The following PLP1 variants were observed in gnomAD, a reference collection of about 807,000 sequenced individuals.
PLP1 encodes the protein myelin proteolipid protein.
Under a neutral mutation model 18.5 loss-of-function variants are expected in PLP1, and 2 were observed. That is an observed-to-expected ratio of 0.11 (90% CI 0.04 to 0.34). PLP1 has a LOEUF of 0.34. Ranked by LOEUF, PLP1 falls within the 10% of genes least tolerant of loss-of-function variation. The pLI is 1.00. For synonymous variants in PLP1, 86 were observed against 83.2 expected (o/e 1.03, Z -0.19); for missense variants, 105 against 207.3 (o/e 0.51, Z 3.03).
Position 103,786,447 on chromosome X carries a change from G to A in PLP1, c.192-18G>A. 1 of 1,205,796 alleles carries A rather than the reference G, an allele frequency of 8.3e-7. No homozygotes were observed. Among genetic ancestry groups the A allele is most frequent in the Non-Finnish European group, 1.1e-6 (1 of 890,180 alleles). On this transcript the variant is annotated intron_variant, in intron 2 of 6. Transcript: ENST00000621218. ...TTAATAAGATTCCCTGGTCTCGTTT[G>A]TCTACCTGTTAATGCAGGATCCATG...
rs113897548 is a variant in PLP1 at position 103,788,511 on chromosome X, G to C, written c.696+1G>C. On this transcript the variant is annotated splice_donor_variant, in intron 5 of 6. Transcript: ENST00000621218. LOFTEE classifies it high-confidence loss of function. ...TCTGTCCATCTGCAAAACAGCTGAG[G>C]TGAGTGGGTTATTTGGGTTATTTTA... is the stretch of plus-strand genomic sequence containing the variant. The C allele has an allele frequency of 8.4e-7, 1 of 1,186,930 alleles. No individual in the cohort carries two copies. The highest frequency in any genetic ancestry group is 1.1e-6 in the Non-Finnish European group (1 of 872,842).
rs182435041 is a variant in PLP1, at chrX:103,786,097, C to T, written c.191+329C>T. 7 of 1,070,664 alleles carry T rather than the reference C, an allele frequency of 6.5e-6. No individual in the cohort carries two copies. In the East Asian group the frequency reaches 2.8e-4, roughly 43 times the overall value. 88.2% of individuals were successfully genotyped at this position (1,070,664 alleles called of 1,213,427 possible). A position where few individuals can be genotyped will look rare whatever the true frequency, so the allele number is the denominator to read the frequency against. On this transcript the variant is annotated intron_variant, in intron 2 of 6. Coordinates refer to ENST00000621218, the MANE Select transcript of PLP1 (RefSeq NM_000533.5). Reference sequence around the variant, plus strand: ...GGAGAAGCCAAGGGAGGCACTAAGCCTCTCCTGTTCCTAGAACAAGTTAGG... The same window carrying T: ...GGAGAAGCCAAGGGAGGCACTAAGCTTCTCCTGTTCCTAGAACAAGTTAGG...
At chrX:103,789,218 G>A in intron 5 of PLP1, 115 bp from the exon 6 acceptor site, 1 of 618,760 alleles carries the variant, frequency 1.6e-6, no homozygotes. Context: ...TTAGAGATGT[G>A]GAATTAGCAC....
At chrX:103,782,197 G>A (rs540372436) in intron 1 of PLP1, among the ~76,000 whole-genome samples, 2 of 112,111 alleles carry the variant, frequency 1.8e-5, no homozygotes, top group South Asian at 3.7e-4. Context: ...TTTCATCTAG[G>A]TTGTGAAGAG....
chrX:103,789,258 C>T (rs2074524364), intron 5 of PLP1, 75 bp from the exon 6 acceptor site: 3 of 741,437 alleles, frequency 4.0e-6, no homozygotes, highest in Non-Finnish European at 6.4e-6. Flanking sequence ...ATTCAGAAAG[C>T]TGTATTCATG....
intron 3 of PLP1, 197 bp downstream of exon 3, chrX:103,786,923 C>A: frequency 4.4e-6 from 2 of 457,828 alleles, no homozygotes; most frequent in Non-Finnish European, 7.6e-6. Flanking sequence ...TTCAAAGGTT[C>A]CCTAAGCAAA....
intron 1 of PLP1, among the ~76,000 whole-genome samples, chrX:103,777,612 AG>A (rs2074420930): frequency 8.9e-6 from 1 of 112,025 alleles, no homozygotes; most frequent in Admixed American, 9.5e-5. Context: ...GTGCACATAT[AG>A]GGTTGATCAT....
rs2074522166 is a variant in PLP1, at chrX:103,788,978, G to C, written c.697-355G>C. The C allele has an allele frequency of 1.5e-5, 5 of 322,697 alleles. No individual in the cohort carries two copies. In the South Asian group the frequency reaches 2.1e-4, roughly 13 times the overall value. 26.6% of individuals were successfully genotyped at this position (322,697 alleles called of 1,213,427 possible). A position where few individuals can be genotyped will look rare whatever the true frequency, so the allele number is the denominator to read the frequency against. On this transcript the variant is annotated intron_variant, in intron 5 of 6. Transcript: ENST00000621218. ...GAGAACAGATATTATATACAAATGA[G>C]GCAGGGGAATAAAAGTAAATCCGGG...
intron 3 of PLP1, chrX:103,787,414 A>G (rs966364540): frequency 2.1e-5 from 5 of 235,231 alleles, no homozygotes; most frequent in Non-Finnish European, 3.0e-5. Flanking sequence ...TTCAATGGCT[A>G]GGGAACAAAA....
At chrX:103,789,846 A>T (rs1569428663) in intron 6 of PLP1, among the ~76,000 whole-genome samples, 1 of 111,580 alleles carries the variant, frequency 9.0e-6, no homozygotes, top group Non-Finnish European at 1.9e-5. Flanking sequence ...AGTTACTCAT[A>T]TGGAAATACT....
intron 1 of PLP1, among the ~76,000 whole-genome samples, chrX:103,780,435 C>CTGTGTGTG (rs759765185): frequency 0.12 from 8,153 of 68,155 alleles, 317 homozygotes; most frequent in Non-Finnish European, 0.17. Flanking sequence ...CATTCTGTCT[C>CTGTGTGTG]TCTCTGTGTG....
Position 103,789,958 on chromosome X carries a change from T to C in PLP1, c.762+560T>C, listed in dbSNP as rs1310561952. 2.7e-5 allele frequency among the ~76,000 whole-genome samples: 3 copies of C among 112,115 alleles called. No individual in the cohort carries two copies. In the East Asian group the frequency reaches 8.4e-4, roughly 31 times the overall value. On this transcript the variant is annotated intron_variant, in intron 6 of 6. Coordinates refer to ENST00000621218, the MANE Select transcript of PLP1 (RefSeq NM_000533.5). ...ACAGTGCCCTGTGAATGTAGTGTGCTCATTGTGCAGATTAAAAACCTAAGG... is the reference window on the plus strand; with the variant it reads ...ACAGTGCCCTGTGAATGTAGTGTGCCCATTGTGCAGATTAAAAACCTAAGG...
At chrX:103,788,225 G>A (rs2074515073) in intron 4 of PLP1, among the ~76,000 whole-genome samples, 1 of 111,795 alleles carries the variant, frequency 8.9e-6, no homozygotes, top group Admixed American at 9.5e-5. Context: ...CCCCAAAGCA[G>A]CACATTTCAA....
chrX:103,777,101 C>A, intron 1 of PLP1, 102 bp downstream of exon 1: 2 of 666,778 alleles, frequency 3.0e-6, no homozygotes, highest in Non-Finnish European at 4.9e-6. Flanking sequence ...TTAAATGAGT[C>A]GTGTTTTGGC....
chrX:103,778,494 G>A (rs1296866317), intron 1 of PLP1, among the ~76,000 whole-genome samples: 1 of 111,466 alleles, frequency 9.0e-6, no homozygotes, highest in East Asian at 2.8e-4. Context: ...TGGATAGGTT[G>A]TGCATTAAAA....
Position 103,786,060 on chromosome X carries a change from C to T in PLP1, c.191+292C>T. 6.7e-6 allele frequency: 7 copies of T among 1,048,225 alleles called. No individual in the cohort carries two copies. The South Asian group carries it at 1.6e-4, about 24-fold the overall frequency. The allele number at this position is 1,048,225 out of a possible 1,213,427, so 86.4% of individuals were successfully genotyped here. On this transcript the variant is annotated intron_variant, in intron 2 of 6. Transcript: ENST00000621218. ...ATATTGCCCAAGTTGGAGCCTCCAGCGTAGTAGGTATGGAGAAGCCAAGGG... is the reference window on the plus strand; with the variant it reads ...ATATTGCCCAAGTTGGAGCCTCCAGTGTAGTAGGTATGGAGAAGCCAAGGG...
Position 103,789,378 on chromosome X carries a change from G to T in PLP1, c.742G>T (p.Ala248Ser). The T allele has an allele frequency of 8.3e-7, 1 of 1,206,500 alleles. No individual in the cohort carries two copies. The highest frequency in any genetic ancestry group is 1.7e-5 in the African/African-American group (1 of 57,787). ...HLFIAAFVGAAATLVSLLTFM... is the reference protein window; with the variant it reads ...HLFIAAFVGASATLVSLLTFM... ...GTTTATTGCTGCATTTGTGGGGGCT[G>T]CAGCTACACTGGTTTCCCTGGTGAG... Residue 248 changes from alanine to serine, a missense_variant, in exon 6 of 7, where the codon GCA (alanine) becomes TCA (serine). Physicochemically the swap from Ala to Ser is moderately conservative, Grantham distance 99. Transcript: ENST00000621218.
chrX:103,786,782 G>T, intron 3 of PLP1, 56 bp downstream of exon 3: 1 of 1,156,485 alleles, frequency 8.6e-7, no homozygotes, highest in Non-Finnish European at 1.2e-6. Flanking sequence ...AATTGGGCGC[G>T]AGTCTGTGGC....
chrX:103,781,448 C>T (rs2074453651), intron 1 of PLP1: 3 of 207,864 alleles, frequency 1.4e-5, no homozygotes, highest in South Asian at 6.6e-5. Context: ...CCAACCATGA[C>T]ATGATCTTTT....
Sources: gnomAD v4.1 joint callset for allele counts (sites outside exome capture counted in the v4.1 genomes callset) on GRCh38, gnomAD v4.1.1 for gene constraint, MANE v1.5 for transcripts, NCBI Gene and HGNC (gene_info 2026-07-23, HGNC 2026-07-21) for gene names.